NRG1: variants seen among roughly 807,000 people sequenced by gnomAD.
NRG1 encodes pro-neuregulin-1, membrane-bound isoform.
NRG1 carries 18 observed loss-of-function variants against 63.8 expected under a neutral mutation model. The ratio of observed to expected loss-of-function variants is 0.28; its 90% CI spans 0.19 to 0.42. The LOEUF (loss-of-function observed/expected upper bound fraction) is 0.42. NRG1 is among the 10% of genes least tolerant of loss of function. The pLI, the probability that NRG1 is intolerant of heterozygous loss-of-function variation, is 1.00. For synonymous variants in NRG1, 302 were observed against 301.3 expected, an observed-to-expected ratio of 1.00 and a Z score of -0.02; for missense variants, 762 against 814.7, an observed-to-expected ratio of 0.94 and a Z score of 0.79.
intron 1 of NRG1, among the ~76,000 whole-genome samples, chr8:31,905,474 A>G (rs1832449083): frequency 6.6e-6 from 1 of 152,194 alleles, no homozygotes; most frequent in Non-Finnish European, 1.5e-5. Context: ...ACATTTATAC[A>G]ACATTTTAAG....
At chr8:32,147,155 A>G (rs1836956142) in intron 1 of NRG1, among the ~76,000 whole-genome samples, 1 of 152,182 alleles carries the variant, frequency 6.6e-6, no homozygotes, top group African/African-American at 2.4e-5. Flanking sequence ...TTCTGTTGAT[A>G]TAAGCTTAAG....
intron 1 of NRG1, among the ~76,000 whole-genome samples, chr8:31,842,070 G>A (rs570396401): frequency 6.6e-6 from 1 of 152,188 alleles, no homozygotes; most frequent in East Asian, 1.9e-4. Context: ...GTCAAACCTT[G>A]TTATTCCATA....
chr8:32,681,504 G>T (rs1808615103), intron 5 of NRG1, among the ~76,000 whole-genome samples: 1 of 152,060 alleles, frequency 6.6e-6, no homozygotes, highest in Non-Finnish European at 1.5e-5. Flanking sequence ...GAGAACTAAA[G>T]ATAGCAAAGT....
chr8:31,887,351 A>G (rs1830799127), intron 1 of NRG1, among the ~76,000 whole-genome samples: 1 of 152,104 alleles, frequency 6.6e-6, no homozygotes, highest in Admixed American at 6.6e-5. Context: ...GAGAGAAAAA[A>G]GGAAGTCCTG....
intron 1 of NRG1, among the ~76,000 whole-genome samples, chr8:32,028,812 T>C (rs1586590637): frequency 6.6e-6 from 1 of 152,166 alleles, no homozygotes; most frequent in African/African-American, 2.4e-5. Context: ...ACATGAGATA[T>C]TTGCAGTATT....
chr8:32,186,729 G>A (rs1049661665), intron 1 of NRG1, among the ~76,000 whole-genome samples: 2 of 152,138 alleles, frequency 1.3e-5, no homozygotes, highest in Admixed American at 1.3e-4. Context: ...GAGATTCAGA[G>A]GTACAGTAAA....
intron 1 of NRG1, among the ~76,000 whole-genome samples, chr8:32,255,430 C>A (rs1586425952): frequency 6.6e-6 from 1 of 152,098 alleles, no homozygotes; most frequent in Non-Finnish European, 1.5e-5. Context: ...GTAAAGGATT[C>A]TATTTCTCCT....
At chr8:32,284,489 G>GCCTTCCTTCATTCCTT (rs1554497420) in intron 1 of NRG1, among the ~76,000 whole-genome samples, 2 of 132,522 alleles carry the variant, frequency 1.5e-5, no homozygotes, top group African/African-American at 5.9e-5. Flanking sequence ...CTGCCTGCCT[G>GCCTTCCTTCATTCCTT]CCTTCCTTCC....
At chr8:32,239,038 G>A (rs1229626223) in intron 1 of NRG1, among the ~76,000 whole-genome samples, 2 of 152,156 alleles carry the variant, frequency 1.3e-5, no homozygotes, top group Non-Finnish European at 2.9e-5. Context: ...TCTTCAACTT[G>A]TTAGCTATGT....
At chr8:31,945,357 C>T (rs942344579) in intron 1 of NRG1, among the ~76,000 whole-genome samples, 1 of 152,150 alleles carries the variant, frequency 6.6e-6, no homozygotes, top group Non-Finnish European at 1.5e-5. Flanking sequence ...AGTCCTTTCG[C>T]CAAGTCATCC....
rs190370883 is a variant in NRG1 at position 32,573,265 on chromosome 8, G to A, written c.101-22563G>A. 4.0e-3 allele frequency among the ~76,000 whole-genome samples: 608 copies of A among 152,286 alleles called. 1 individual carries two copies. The highest frequency in any genetic ancestry group is 0.014 in the Middle Eastern group (4 of 294). ...ATGTTCCATGATGACTTATTGACTC[G>A]ATAACAGGGATCTGCAAACATTTCT... On this transcript the variant is annotated intron_variant, in intron 1 of 11. Coordinates refer to ENST00000356819, the Ensembl canonical transcript of NRG1.
intron 5 of NRG1, among the ~76,000 whole-genome samples, chr8:32,620,775 T>C (rs1588749917): frequency 1.3e-5 from 2 of 151,894 alleles, no homozygotes; most frequent in East Asian, 3.9e-4. Context: ...TAAGTTATGG[T>C]TGAACCACTG....
At chr8:32,385,544 A>G (rs1810904462) in intron 1 of NRG1, among the ~76,000 whole-genome samples, 1 of 152,138 alleles carries the variant, frequency 6.6e-6, no homozygotes, top group Non-Finnish European at 1.5e-5. Context: ...AGGGAAATTT[A>G]CAATCATGGC....
chr8:32,731,038 C>T (rs1823526592), intron 6 of NRG1, among the ~76,000 whole-genome samples: 1 of 152,056 alleles, frequency 6.6e-6, no homozygotes, highest in South Asian at 2.1e-4. Flanking sequence ...CATCACTTAG[C>T]AAAGATTTAC....
chr8:32,519,279 A>G (rs1461734016), intron 1 of NRG1, among the ~76,000 whole-genome samples: 1 of 152,176 alleles, frequency 6.6e-6, no homozygotes, highest in Non-Finnish European at 1.5e-5. Flanking sequence ...ATAGCTCTGT[A>G]TTCAAGAGTA....
At chr8:32,470,750 A>G (rs17644185) in intron 1 of NRG1, among the ~76,000 whole-genome samples, 16,033 of 151,826 alleles carry the variant, frequency 0.11, 1,198 homozygotes, top group Admixed American at 0.24. Flanking sequence ...TGTTTTTGCT[A>G]ATCTTTTAGG....
chr8:32,207,865 TA>T (rs1302701440), intron 1 of NRG1, among the ~76,000 whole-genome samples: 1 of 152,190 alleles, frequency 6.6e-6, no homozygotes, highest in Non-Finnish European at 1.5e-5. Flanking sequence ...ATATTGCTCC[TA>T]AAGCTTTCTA....
intron 5 of NRG1, among the ~76,000 whole-genome samples, chr8:32,675,643 A>G (rs1806889686): frequency 6.6e-6 from 1 of 152,152 alleles, no homozygotes; most frequent in Non-Finnish European, 1.5e-5. Context: ...CAACAGCTAT[A>G]TTCCAGAACT....
At chr8:32,484,321 A>T (rs565604536) in intron 1 of NRG1, among the ~76,000 whole-genome samples, 2 of 152,304 alleles carry the variant, frequency 1.3e-5, no homozygotes, top group South Asian at 4.1e-4. Flanking sequence ...AAAGAAATAG[A>T]CAATGACAAG....
Sources: allele counts gnomAD v4.1 joint callset (sites outside exome capture counted in the v4.1 genomes callset), GRCh38; gene constraint gnomAD v4.1.1; transcripts MANE v1.5; gene names NCBI Gene and HGNC (gene_info 2026-07-23, HGNC 2026-07-21).